The following STAB2 variants were observed in gnomAD, a reference collection of about 807,000 sequenced individuals.
STAB2 encodes stabilin-2.
STAB2 carries 288 observed loss-of-function variants against 338.1 expected under a neutral mutation model. The observed-to-expected ratio is 0.85, with a 90% CI of 0.77 to 0.94. The LOEUF (loss-of-function observed/expected upper bound fraction) is 0.94. Among genes scored for constraint, STAB2 ranks in the 40% least tolerant of loss-of-function variants. The pLI, the probability that STAB2 is intolerant of heterozygous loss-of-function variation, is 0.00. For missense variants in STAB2, 3,141 were observed against 3,210.1 expected (o/e 0.98, Z 0.52); for synonymous variants, 1,202 against 1,193.3 (o/e 1.01, Z -0.15).
intron 1 of STAB2, among the ~76,000 whole-genome samples, chr12:103,588,657 G>A (rs1408126432): frequency 1.3e-5 from 2 of 152,074 alleles, no homozygotes; most frequent in South Asian, 2.1e-4. Flanking sequence ...ATTTGAAAAG[G>A]GCAATTTGAA....
chr12:103,613,134 AG>A (rs1380124759), intron 3 of STAB2, among the ~76,000 whole-genome samples: 1 of 152,222 alleles, frequency 6.6e-6, no homozygotes, highest in Admixed American at 6.5e-5. Flanking sequence ...CTTGGGGGTC[AG>A]GGACCCACTT....
intron 9 of STAB2, among the ~76,000 whole-genome samples, chr12:103,645,640 G>A (rs962055713): frequency 7.2e-5 from 11 of 152,158 alleles, no homozygotes; most frequent in South Asian, 2.1e-4. Flanking sequence ...TTAAATTAGC[G>A]TAGCACAGTG....
At chr12:103,761,591 C>T (rs1266123815) in intron 66 of STAB2, among the ~76,000 whole-genome samples, 181 bp downstream of exon 66, 4 of 152,024 alleles carry the variant, frequency 2.6e-5, no homozygotes, top group South Asian at 2.1e-4. Flanking sequence ...CTGCCATCCC[C>T]ACTCCCAAGC....
At position 103,654,552 on chromosome 12, in the gene STAB2, T is replaced by C. The variant is rs754048039; in HGVS notation, c.1408-3T>C. The stretch of plus-strand genomic sequence containing the variant: ...CTTATTTTATCTTTCTTTGGTGTTT[T>C]AGGACAATCAAATAAAGCTTAAACT... On this transcript the variant is annotated splice_region_variant and splice_polypyrimidine_tract_variant and intron_variant, in intron 12 of 68. Coordinates refer to ENST00000388887, the MANE Select transcript of STAB2 (RefSeq NM_017564.10). 1.9e-6 allele frequency: 3 copies of C among 1,613,798 alleles called. No individual in the cohort carries two copies. Among genetic ancestry groups the C allele is most frequent in the Non-Finnish European group, 2.5e-6 (3 of 1,179,866 alleles).
At chr12:103,674,762 A>G (rs1876173310) in intron 23 of STAB2, among the ~76,000 whole-genome samples, 1 of 152,188 alleles carries the variant, frequency 6.6e-6, no homozygotes, top group South Asian at 2.1e-4. Flanking sequence ...GGATGTCTGG[A>G]ATTCTTGGTC....
At position 103,755,521 on chromosome 12, in the gene STAB2, C is replaced by T. The variant is rs1884035586; in HGVS notation, c.6880+54C>T. The stretch of plus-strand genomic sequence containing the variant: ...TGGGCCACACAGCTGCTGAGCAATC[C>T]TCAGCCTGGCCAGTCACTCCCCAAG... On this transcript the variant is annotated intron_variant, in intron 62 of 68. Transcript: ENST00000388887. 1.9e-6 allele frequency: 3 copies of T among 1,608,824 alleles called. No homozygotes were observed. The South Asian group carries it at 3.3e-5, about 18-fold the overall frequency.
chr12:103,655,610 T>C (rs927875985), intron 15 of STAB2, 29 bp downstream of exon 15: 1 of 1,612,244 alleles, frequency 6.2e-7, no homozygotes, highest in Non-Finnish European at 8.5e-7. Context: ...TCTGATGGCA[T>C]CGTGTCAGCA....
chr12:103,701,977 TACACACACACACACACACACAC>T lies in STAB2; in HGVS notation c.3715-1146_3715-1125del, dbSNP rs71097990. 3.0e-3 allele frequency among the ~76,000 whole-genome samples: 439 copies of T among 144,032 alleles called. 14 individuals carry two copies. The East Asian group carries it at 0.066, about 22-fold the overall frequency. 94.5% of individuals were successfully genotyped at this position (144,032 alleles called of 152,430 possible). A position where few individuals can be genotyped will look rare whatever the true frequency, so the allele number is the denominator to read the frequency against. On this transcript the variant is annotated intron_variant, in intron 34 of 68. Transcript: ENST00000388887. ...TCCCCTCTCCCAACTTCAGCCCTGC[TACACACACACACACACACACAC>T]ACACACACACACACACACACACACC... is the stretch of plus-strand genomic sequence containing the variant.
rs372110467 is a variant in STAB2 at position 103,737,759 on chromosome 12, C to G, written c.5676C>G (p.Thr1892=). ...IDPTLGGRCD[T]FTTFDASGEC... is the part of the protein sequence containing the mutation. The stretch of plus-strand genomic sequence containing the variant: ...CCACCCTGGGGGGCCGCTGTGACAC[C>G]TTTACTACTTTCGATGCCTCGGTCA... The change falls in exon 53 of 69, where the codon ACC becomes ACG. Residue 1892 remains threonine, a synonymous_variant. Transcript: ENST00000388887. 21 of 1,613,846 alleles carry G rather than the reference C, an allele frequency of 1.3e-5. No individual in the cohort carries two copies. The East Asian group carries it at 1.8e-4, about 14-fold the overall frequency.
intron 15 of STAB2, among the ~76,000 whole-genome samples, chr12:103,655,805 T>G (rs1223087963): frequency 6.6e-6 from 1 of 152,178 alleles, no homozygotes; most frequent in Non-Finnish European, 1.5e-5. Context: ...CCATGATCAA[T>G]TAGACTTGAT....
chr12:103,671,210 G>A (rs1303533277), intron 22 of STAB2, among the ~76,000 whole-genome samples: 2 of 152,266 alleles, frequency 1.3e-5, no homozygotes, highest in East Asian at 3.9e-4. Flanking sequence ...CCAGCACTTT[G>A]GGAGGCTGAG....
chr12:103,689,823 T>C, intron 28 of STAB2, 23 bp from the exon 29 acceptor site: 2 of 1,608,398 alleles, frequency 1.2e-6, no homozygotes, highest in Non-Finnish European at 1.7e-6. Context: ...AGCAGGTCAC[T>C]TTATTTTCCT....
At chr12:103,593,897 A>G (rs1341846636) in intron 2 of STAB2, among the ~76,000 whole-genome samples, 3 of 152,206 alleles carry the variant, frequency 2.0e-5, no homozygotes, top group Non-Finnish European at 2.9e-5. Context: ...TTTATCTCCT[A>G]CAAGGATATT....
intron 63 of STAB2, among the ~76,000 whole-genome samples, chr12:103,756,087 A>C (rs1255550532): frequency 1.4e-5 from 2 of 147,162 alleles, no homozygotes; most frequent in Non-Finnish European, 3.0e-5. Context: ...GGAACAGTTT[A>C]AGAGCATGGT....
chr12:103,699,260 C>A (rs1470038276), intron 34 of STAB2, 33 bp downstream of exon 34: 5 of 1,586,584 alleles, frequency 3.2e-6, no homozygotes, highest in Non-Finnish European at 4.3e-6. Context: ...CCCAGCAATG[C>A]CACCGAGAAT....
intron 66 of STAB2, among the ~76,000 whole-genome samples, chr12:103,761,822 A>G (rs1337531395): frequency 6.6e-6 from 1 of 152,140 alleles, no homozygotes; most frequent in Non-Finnish European, 1.5e-5. Context: ...AATGGAAAAC[A>G]CTTAGAACAG....
chr12:103,715,663 G>A (rs1566041606), intron 42 of STAB2, 152 bp from the exon 43 acceptor site: 1 of 811,334 alleles, frequency 1.2e-6, no homozygotes, highest in East Asian at 2.7e-5. Context: ...TCCTAGTTCA[G>A]TTATTTCTGT....
At chr12:103,685,338 T>C (rs1044691658) in intron 27 of STAB2, among the ~76,000 whole-genome samples, 1 of 152,114 alleles carries the variant, frequency 6.6e-6, no homozygotes, top group Non-Finnish European at 1.5e-5. Context: ...CTGTTTCCAT[T>C]CTCAGACTTC....
rs144635447 is a variant in STAB2 at position 103,699,105 on chromosome 12, G to A, written c.3592G>A (p.Val1198Ile). Residue 1198 changes from valine (V) to isoleucine (I), a missense_variant, in exon 34 of 69, where the codon GTC becomes ATC. Coordinates refer to ENST00000388887, the MANE Select transcript of STAB2 (RefSeq NM_017564.10). ...TCTGTGTGTGATCCAGGAGGAGGAC[G>A]TCCTCCGGTATCATGTGGTCCTGGA... is the stretch of plus-strand genomic sequence containing the variant. Reference protein sequence around the residue: ...EKKVLSLEEDVLRYHVVLEEK... With the variant: ...EKKVLSLEEDILRYHVVLEEK... 1.1e-3 allele frequency: 1,691 copies of A among 1,607,676 alleles called. No homozygotes were observed. Among genetic ancestry groups the A allele is most frequent in the Admixed American group, 1.9e-3 (112 of 59,836 alleles).
Sources: gnomAD v4.1 joint callset for allele counts (sites outside exome capture counted in the v4.1 genomes callset) on GRCh38, gnomAD v4.1.1 for gene constraint, MANE v1.5 for transcripts, NCBI Gene and HGNC (gene_info 2026-07-23, HGNC 2026-07-21) for gene names.